The following COX16 variants were observed in gnomAD, a reference collection of about 807,000 sequenced individuals.
The protein encoded by COX16 is cytochrome c oxidase assembly protein COX16 homolog, mitochondrial.
COX16 carries 12 observed loss-of-function variants against 15.4 expected under a neutral mutation model. That is an observed-to-expected ratio of 0.78 (90% CI 0.50 to 1.26). COX16 has a LOEUF of 1.26. COX16 is among the 50% of genes most tolerant of loss of function. The probability of loss-of-function intolerance (pLI) is 0.00; values close to 1 mark genes in which losing one functional copy is unlikely to be tolerated. For missense variants in COX16, 124 were observed against 127.6 expected, an observed-to-expected ratio of 0.97 and a Z score of 0.14; for synonymous variants, 46 against 41.1, an observed-to-expected ratio of 1.12 and a Z score of -0.46.
At chr14:70,334,677 T>C (rs898907620) in intron 2 of COX16, among the ~76,000 whole-genome samples, 2 of 152,298 alleles carry the variant, frequency 1.3e-5, no homozygotes, top group East Asian at 3.9e-4. Flanking sequence ...TCTGTAAGCC[T>C]TGAGGTAACT....
At chr14:70,335,016 C>G (rs750666668) in intron 2 of COX16, among the ~76,000 whole-genome samples, 1 of 151,834 alleles carries the variant, frequency 6.6e-6, no homozygotes, top group Non-Finnish European at 1.5e-5. Context: ...AAAAGATATT[C>G]CATGGAAATG....
At chr14:70,327,914 C>T (rs945358566) in intron 3 of COX16, among the ~76,000 whole-genome samples, 1 of 151,872 alleles carries the variant, frequency 6.6e-6, no homozygotes, top group Non-Finnish European at 1.5e-5. Context: ...TGTGGAACAG[C>T]GTCAAGAAAT....
chr14:70,355,488 C>A (rs575665125), intron 1 of COX16, among the ~76,000 whole-genome samples: 1 of 152,260 alleles, frequency 6.6e-6, no homozygotes, highest in Non-Finnish European at 1.5e-5. Context: ...ACATTCCATA[C>A]AGACATGATC....
chr14:70,354,883 CACTT>C (rs761793750), intron 1 of COX16, among the ~76,000 whole-genome samples: 1 of 147,524 alleles, frequency 6.8e-6, no homozygotes, highest in Non-Finnish European at 1.5e-5. Flanking sequence ...TGCACTGCAA[CACTT>C]ACTGCCTGTT....
At chr14:70,358,371 ATTTTTT>A (rs34871293) in intron 1 of COX16, among the ~76,000 whole-genome samples, 30 of 94,070 alleles carry the variant, frequency 3.2e-4, no homozygotes, top group East Asian at 8.0e-4. Context: ...AAAAACAACA[ATTTTTT>A]TTTTTTTTTT....
chr14:70,352,143 T>C (rs1886973121), intron 1 of COX16, among the ~76,000 whole-genome samples: 1 of 152,222 alleles, frequency 6.6e-6, no homozygotes, highest in Admixed American at 6.5e-5. Context: ...GACCCAGGAA[T>C]TGATACTTAC....
intron 2 of COX16, among the ~76,000 whole-genome samples, chr14:70,342,052 CCT>C (rs1191348524): frequency 6.6e-6 from 1 of 152,148 alleles, no homozygotes; most frequent in African/African-American, 2.4e-5. Flanking sequence ...AAATTATTGA[CCT>C]CTGTTTTTTA....
At chr14:70,329,611 A>G (rs1396292981) in intron 2 of COX16, among the ~76,000 whole-genome samples, 1 of 151,890 alleles carries the variant, frequency 6.6e-6, no homozygotes, top group East Asian at 1.9e-4. Context: ...AGTTCACACT[A>G]TTAACCACCA....
intron 2 of COX16, among the ~76,000 whole-genome samples, chr14:70,329,991 C>T (rs1278419743): frequency 6.6e-6 from 1 of 151,906 alleles, no homozygotes; most frequent in Non-Finnish European, 1.5e-5. Context: ...TAACACATAG[C>T]TAGAAGTTCC....
chr14:70,329,371 T>G (rs1422380983), intron 2 of COX16, 135 bp from the exon 3 acceptor site: 1 of 665,374 alleles, frequency 1.5e-6, no homozygotes, highest in African/African-American at 1.9e-5. Context: ...CACCATCTAC[T>G]CTGATCACAT....
rs1886051454 is a variant in COX16, at chr14:70,325,840, A to ATAGT, written c.*492_*493insACTA. 6.6e-6 allele frequency: 1 copy of ATAGT among 152,272 alleles called. No homozygotes were observed. Among genetic ancestry groups the ATAGT allele is most frequent in the Non-Finnish European group, 1.5e-5 (1 of 68,070 alleles). 9.4% of individuals were successfully genotyped at this position (152,272 alleles called of 1,614,324 possible). A position where few individuals can be genotyped will look rare whatever the true frequency, so the allele number is the denominator to read the frequency against. ...ATTATCATACTATGTGAGGCATTACAAAGAAAATCAAGACTCTTAGCAGAC... is the reference window on the plus strand; with the variant it reads ...ATTATCATACTATGTGAGGCATTACATAGTAAGAAAATCAAGACTCTTAGCAGAC... On this transcript the variant is annotated 3_prime_UTR_variant, in exon 4 of 4. Transcript: ENST00000389912.
chr14:70,328,367 T>C (rs1028662112), intron 3 of COX16: 9 of 152,160 alleles, frequency 5.9e-5, no homozygotes, highest in African/African-American at 2.2e-4. Context: ...AGAATTTTCT[T>C]CAGTGTATTA....
chr14:70,326,365 T>C lies in COX16; in HGVS notation c.289A>G (p.Asn97Asp). The C allele has an allele frequency of 6.3e-7, 1 of 1,582,374 alleles. No individual in the cohort carries two copies. The highest frequency in any genetic ancestry group is 8.6e-7 in the Non-Finnish European group (1 of 1,163,908). Residue 97 changes from asparagine (N) to aspartate (D), a missense_variant, in exon 4 of 4, where the codon AAT becomes GAT. Coordinates refer to ENST00000389912, the MANE Select transcript of COX16 (RefSeq NM_016468.7). ...GTCTTAGTCTTAAGGCTTTCTGGATTTCTTCCTTGGAGGAGGTCAGGATCT... is the reference window on the plus strand; with the variant it reads ...GTCTTAGTCTTAAGGCTTTCTGGATCTCTTCCTTGGAGGAGGTCAGGATCT... ...WEDPDLLQGR[N>D]PESLKTKTT
At chr14:70,327,325 GA>G (rs955214951) in intron 3 of COX16, among the ~76,000 whole-genome samples, 94 of 151,698 alleles carry the variant, frequency 6.2e-4, no homozygotes, top group African/African-American at 2.2e-3. Flanking sequence ...AAGTAACAAT[GA>G]AAAGGTTGGA....
chr14:70,346,066 C>T (rs1187004353), intron 1 of COX16, among the ~76,000 whole-genome samples: 2 of 152,056 alleles, frequency 1.3e-5, no homozygotes, highest in African/African-American at 2.4e-5. Context: ...AAACTCATCC[C>T]GCCACCTTAC....
At chr14:70,338,001 T>C (rs1886508815) in intron 2 of COX16, among the ~76,000 whole-genome samples, 1 of 152,218 alleles carries the variant, frequency 6.6e-6, no homozygotes, top group South Asian at 2.1e-4. Flanking sequence ...TGGTATCCCA[T>C]AAAGAAAACT....
rs1886043767 is a variant in COX16, at chr14:70,325,662, C to G, written c.*671G>C. ...TTTTTAGTATTATCTTAGTATTTCT[C>G]AAAATGTAGTCATCTATGGATTTAC... is the stretch of plus-strand genomic sequence containing the variant. On this transcript the variant is annotated 3_prime_UTR_variant, in exon 4 of 4. Transcript: ENST00000389912. The G allele has an allele frequency of 6.7e-6, 1 of 148,332 alleles. No individual in the cohort carries two copies. Among genetic ancestry groups the G allele is most frequent in the South Asian group, 2.2e-4 (1 of 4,554 alleles). 9.2% of individuals were successfully genotyped at this position (148,332 alleles called of 1,614,324 possible). A position where few individuals can be genotyped will look rare whatever the true frequency, so the allele number is the denominator to read the frequency against.
At chr14:70,330,643 C>T (rs547861336) in intron 2 of COX16, among the ~76,000 whole-genome samples, 16 of 152,094 alleles carry the variant, frequency 1.1e-4, no homozygotes, top group African/African-American at 1.4e-4. Flanking sequence ...TCCAGAAAGG[C>T]GAAGTTAATT....
intron 2 of COX16, among the ~76,000 whole-genome samples, chr14:70,333,549 A>T (rs968361985): frequency 6.6e-6 from 1 of 152,220 alleles, no homozygotes; most frequent in Non-Finnish European, 1.5e-5. Context: ...AGAAAAAAGG[A>T]AAAAGAATGA....
Sources: gnomAD v4.1 joint callset for allele counts (sites outside exome capture counted in the v4.1 genomes callset) on GRCh38, gnomAD v4.1.1 for gene constraint, MANE v1.5 for transcripts, NCBI Gene and HGNC (gene_info 2026-07-23, HGNC 2026-07-21) for gene names.